The following SEM1 variants were observed in gnomAD, a reference collection of about 807,000 sequenced individuals.
SEM1 encodes the protein SEM1 26S proteasome subunit.
A neutral mutation model predicts 12.7 loss-of-function variants in SEM1; 3 were observed. The observed-to-expected ratio is 0.24, with a 90% CI of 0.11 to 0.61. SEM1 has a LOEUF of 0.61. Ranked by LOEUF, SEM1 falls within the 20% of genes least tolerant of loss-of-function variation. The pLI is 0.88. For missense variants in SEM1, 59 were observed against 81.3 expected (o/e 0.73, Z 1.06); for synonymous variants, 30 against 27.8 (o/e 1.08, Z -0.25).
intron 2 of SEM1, among the ~76,000 whole-genome samples, chr7:96,693,760 TTGTGTGTG>T (rs566641071): frequency 2.9e-5 from 4 of 139,568 alleles, no homozygotes; most frequent in Non-Finnish European, 6.2e-5. Flanking sequence ...ACAATTCCAC[TTGTGTGTG>T]TGTGTGTGTG....
At chr7:96,688,228 G>T (rs1300569628), downstream of SEM1, 1 of 152,086 alleles carries the variant, frequency 6.6e-6, no homozygotes, top group Non-Finnish European at 1.5e-5. Flanking sequence ...AAATGAGCCT[G>T]CTATGTAGTA....
chr7:96,548,242 T>A (rs1434809873), intron 2 of SEM1, among the ~76,000 whole-genome samples: 2 of 152,194 alleles, frequency 1.3e-5, no homozygotes, highest in African/African-American at 4.8e-5. Flanking sequence ...AAGTCTCTTC[T>A]GACATCCAGA....
chr7:96,561,046 A>T (rs937075320), intron 2 of SEM1, among the ~76,000 whole-genome samples: 2 of 152,024 alleles, frequency 1.3e-5, no homozygotes, highest in South Asian at 4.1e-4. Context: ...TCTCCCCAGT[A>T]GCTGAGACTT....
chr7:96,695,453 A>G (rs1790060764), intron 1 of SEM1: 1 of 151,928 alleles, frequency 6.6e-6, no homozygotes, highest in Non-Finnish European at 1.5e-5. Context: ...TCCCTTTGGT[A>G]GTGGTAGAGG....
intron 2 of SEM1, among the ~76,000 whole-genome samples, chr7:96,675,026 A>G (rs1188841546): frequency 2.6e-5 from 4 of 152,204 alleles, no homozygotes; most frequent in African/African-American, 9.6e-5. Context: ...CCCAACAGGC[A>G]GCATCGTTGA....
chr7:96,624,795 A>G (rs1584813595), intron 2 of SEM1, among the ~76,000 whole-genome samples: 1 of 152,266 alleles, frequency 6.6e-6, no homozygotes, highest in African/African-American at 2.4e-5. Flanking sequence ...AGGTATTTAC[A>G]TAGGTCACAT....
intron 2 of SEM1, among the ~76,000 whole-genome samples, chr7:96,611,290 T>G (rs1266691734): frequency 1.3e-5 from 2 of 152,172 alleles, no homozygotes; most frequent in East Asian, 3.8e-4. Flanking sequence ...ATGAATAAAT[T>G]TATGTACCTT....
At chr7:96,495,931 C>T (rs888186276) in intron 1 of SEM1, among the ~76,000 whole-genome samples, 1 of 152,094 alleles carries the variant, frequency 6.6e-6, no homozygotes, top group African/African-American at 2.4e-5. Flanking sequence ...TACCTACACA[C>T]ATACACCACC....
chr7:96,508,520 C>T (rs141189662), intron 2 of SEM1, among the ~76,000 whole-genome samples: 2 of 152,250 alleles, frequency 1.3e-5, no homozygotes, highest in African/African-American at 2.4e-5. Context: ...TTTCCCAATT[C>T]CTGGCCCTGG....
chr7:96,624,105 A>T (rs1250398797), intron 2 of SEM1, among the ~76,000 whole-genome samples: 1 of 152,156 alleles, frequency 6.6e-6, no homozygotes, highest in Non-Finnish European at 1.5e-5. Context: ...CTTTTAACAT[A>T]TAAGGTAATA....
At chr7:96,492,157 T>C (rs1803035336) in intron 1 of SEM1, among the ~76,000 whole-genome samples, 2 of 152,192 alleles carry the variant, frequency 1.3e-5, no homozygotes, top group Non-Finnish European at 2.9e-5. Context: ...GTTCTGCAAC[T>C]GTCACCACCA....
At chr7:96,492,759 A>ATG (rs138520257) in intron 1 of SEM1, among the ~76,000 whole-genome samples, 3,738 of 142,916 alleles carry the variant, frequency 0.026, 63 homozygotes, top group East Asian at 0.055. Context: ...AATAATATTC[A>ATG]TGTGTGTGTG....
At chr7:96,662,686 T>C (rs1033709949) in intron 2 of SEM1, among the ~76,000 whole-genome samples, 2 of 152,124 alleles carry the variant, frequency 1.3e-5, no homozygotes, top group African/African-American at 2.4e-5. Context: ...TAAAGTGAAA[T>C]AAAAATAATT....
At chr7:96,524,653 C>A (rs375611146) in intron 2 of SEM1, among the ~76,000 whole-genome samples, 2 of 150,796 alleles carry the variant, frequency 1.3e-5, no homozygotes, top group Non-Finnish European at 3.0e-5. Flanking sequence ...TATATTTAAC[C>A]CATTATATTA....
At chr7:96,588,297 C>A in intron 2 of SEM1, among the ~76,000 whole-genome samples, 1 of 150,842 alleles carries the variant, frequency 6.6e-6, no homozygotes, top group African/African-American at 2.4e-5. Flanking sequence ...CAATGAGCCA[C>A]GATCACACCA....
At chr7:96,537,941 C>T (rs891056699) in intron 2 of SEM1, among the ~76,000 whole-genome samples, 1 of 151,512 alleles carries the variant, frequency 6.6e-6, no homozygotes, top group Admixed American at 6.6e-5. Flanking sequence ...TGAAATTTTC[C>T]CACATTTCTT....
intron 2 of SEM1, among the ~76,000 whole-genome samples, chr7:96,587,885 T>A (rs17167645): frequency 0.04 from 6,043 of 152,310 alleles, 331 homozygotes; most frequent in Admixed American, 0.14. Flanking sequence ...TGAAGAGATA[T>A]TTAACACATA....
At chr7:96,587,902 A>G (rs1806693195) in intron 2 of SEM1, among the ~76,000 whole-genome samples, 1 of 152,242 alleles carries the variant, frequency 6.6e-6, no homozygotes, top group Admixed American at 6.5e-5. Context: ...CATACTATTG[A>G]ACACTGTAGA....
intron 2 of SEM1, among the ~76,000 whole-genome samples, chr7:96,661,201 G>A (rs900416416): frequency 6.6e-6 from 1 of 152,152 alleles, no homozygotes; most frequent in African/African-American, 2.4e-5. Context: ...GCCAGATTCT[G>A]TACTCCTCAT....
Sources: gnomAD v4.1 joint callset for allele counts (sites outside exome capture counted in the v4.1 genomes callset) on GRCh38, gnomAD v4.1.1 for gene constraint, MANE v1.5 for transcripts, NCBI Gene and HGNC (gene_info 2026-07-23, HGNC 2026-07-21) for gene names.